SPIDR: variants seen among roughly 807,000 people sequenced by gnomAD.
The protein encoded by SPIDR is scaffold protein involved in DNA repair.
In SPIDR, 93 loss-of-function variants were observed where a neutral mutation model predicts 104.6. That is an observed-to-expected ratio of 0.89 (90% CI 0.75 to 1.06). SPIDR has a LOEUF of 1.06. Among genes scored for constraint, SPIDR ranks in the 50% least tolerant of loss-of-function variants. The pLI, the probability that SPIDR is intolerant of heterozygous loss-of-function variation, is 0.00. For missense variants in SPIDR, 1,154 were observed against 1,111.2 expected, an observed-to-expected ratio of 1.04 and a Z score of -0.55; for synonymous variants, 431 against 416.9, an observed-to-expected ratio of 1.03 and a Z score of -0.41.
At chr8:47,269,265 T>C (rs1280102358) in intron 1 of SPIDR, among the ~76,000 whole-genome samples, 1 of 151,260 alleles carries the variant, frequency 6.6e-6, no homozygotes, top group Non-Finnish European at 1.5e-5. Context: ...AGACCATCTT[T>C]TTTTCCCCCC....
chr8:47,284,392 TTTTGTTTGTTTG>T (rs782640221), intron 3 of SPIDR, among the ~76,000 whole-genome samples: 7 of 152,014 alleles, frequency 4.6e-5, no homozygotes, highest in African/African-American at 7.2e-5. Flanking sequence ...AGCTCCAGGG[TTTTGTTTGTTTG>T]TTTGTTTGTT....
intron 8 of SPIDR, among the ~76,000 whole-genome samples, chr8:47,593,831 G>T (rs1303443164): frequency 1.3e-5 from 2 of 152,148 alleles, no homozygotes; most frequent in African/African-American, 4.8e-5. Context: ...GGAGGGCCAG[G>T]GAAGCCTTGT....
chr8:47,606,019 T>A (rs1338795876), intron 10 of SPIDR, among the ~76,000 whole-genome samples: 2 of 152,138 alleles, frequency 1.3e-5, no homozygotes, highest in African/African-American at 4.8e-5. Context: ...AGCACTCCCA[T>A]CAACAAGGAG....
chr8:47,663,522 C>A (rs1337732238), intron 10 of SPIDR, among the ~76,000 whole-genome samples: 1 of 152,242 alleles, frequency 6.6e-6, no homozygotes, highest in South Asian at 2.1e-4. Flanking sequence ...AATGACAAAC[C>A]CCCAAGTGCT....
chr8:47,535,496 CATAA>C (rs1051669848), intron 8 of SPIDR, among the ~76,000 whole-genome samples: 10 of 152,076 alleles, frequency 6.6e-5, no homozygotes, highest in Non-Finnish European at 1.2e-4. Context: ...AATGTAGATA[CATAA>C]ATAGTTAACA....
chr8:47,694,768 G>C (rs1416405802), intron 11 of SPIDR, among the ~76,000 whole-genome samples: 1 of 151,928 alleles, frequency 6.6e-6, no homozygotes, highest in Non-Finnish European at 1.5e-5. Flanking sequence ...TATATATTTG[G>C]GGTGTGTGTA....
chr8:47,735,777 C>G lies in SPIDR; in HGVS notation c.*327C>G, dbSNP rs549945794. The G allele has an allele frequency of 1.4e-5, 7 of 507,388 alleles. No homozygotes were observed. The Admixed American group carries it at 2.3e-4, about 17-fold the overall frequency. 31.4% of individuals were successfully genotyped at this position (507,388 alleles called of 1,614,324 possible). ...TTTTTTTGTTCATTTGTAATTTTAACAAGTTGAACATTTTACCATGATTGA... is the reference window on the plus strand; with the variant it reads ...TTTTTTTGTTCATTTGTAATTTTAAGAAGTTGAACATTTTACCATGATTGA... On this transcript the variant is annotated 3_prime_UTR_variant, in exon 20 of 20. Coordinates refer to ENST00000297423, the MANE Select transcript of SPIDR (RefSeq NM_001080394.4).
intron 5 of SPIDR, among the ~76,000 whole-genome samples, chr8:47,387,778 A>G (rs1395094054): frequency 1.3e-5 from 2 of 152,202 alleles, no homozygotes; most frequent in Non-Finnish European, 2.9e-5. Context: ...CTTCAAATAC[A>G]TCCCATTTGC....
chr8:47,531,263 G>A (rs1313588603), intron 8 of SPIDR, among the ~76,000 whole-genome samples: 2 of 152,114 alleles, frequency 1.3e-5, no homozygotes, highest in African/African-American at 2.4e-5. Context: ...CCTACATGGG[G>A]TCAGGATCAT....
intron 5 of SPIDR, among the ~76,000 whole-genome samples, chr8:47,347,778 TTTTG>T (rs1415967345): frequency 2.6e-5 from 4 of 152,162 alleles, no homozygotes; most frequent in Non-Finnish European, 4.4e-5. Context: ...CCCTGCTTTT[TTTTG>T]TTTGTTTTCC....
intron 5 of SPIDR, among the ~76,000 whole-genome samples, chr8:47,376,106 C>T (rs187586149): frequency 4.5e-4 from 68 of 152,316 alleles, no homozygotes; most frequent in African/African-American, 1.6e-3. Context: ...TTTGAGGTCT[C>T]TGAGCAACAC....
intron 8 of SPIDR, among the ~76,000 whole-genome samples, chr8:47,484,321 C>T (rs1554729214): frequency 6.6e-6 from 1 of 152,240 alleles, no homozygotes; most frequent in Non-Finnish European, 1.5e-5. Context: ...CCTTTGAGAG[C>T]AGATCCCACT....
At chr8:47,348,493 C>T (rs2052677634) in intron 5 of SPIDR, among the ~76,000 whole-genome samples, 4 of 152,140 alleles carry the variant, frequency 2.6e-5, no homozygotes, top group Admixed American at 1.3e-4. Flanking sequence ...GAATGTTGAC[C>T]TGCCTTGCGA....
intron 8 of SPIDR, among the ~76,000 whole-genome samples, chr8:47,535,834 G>C (rs1245262675): frequency 6.6e-6 from 1 of 151,960 alleles, no homozygotes; most frequent in Non-Finnish European, 1.5e-5. Context: ...AGACAAGGAA[G>C]GATGCCCTTT....
chr8:47,610,762 C>G (rs1285212985), intron 10 of SPIDR, among the ~76,000 whole-genome samples: 2 of 152,190 alleles, frequency 1.3e-5, no homozygotes, highest in African/African-American at 4.8e-5. Context: ...GAACAGATGC[C>G]CTTGTTTCTT....
At position 47,396,583 on chromosome 8, in the gene SPIDR, T is replaced by A. The variant is rs782598746; in HGVS notation, c.733T>A (p.Phe245Ile). The change falls in exon 6 of 20, where the codon TTT (phenylalanine) becomes ATT (isoleucine). Residue 245 changes from phenylalanine (F) to isoleucine (I), a missense_variant. Physicochemically the swap from Phe to Ile is conservative, Grantham distance 21. Transcript: ENST00000297423. The part of the protein sequence containing the change: ...LHTPQKPTAK[F>I]PRTPENSAKK... ...TACACCTCAGAAACCCACAGCTAAG[T>A]TTCCCAGGACTCCAGAAAATTCAGC... 15 of 1,614,096 alleles carry A rather than the reference T, an allele frequency of 9.3e-6. No homozygotes were observed. The highest frequency in any genetic ancestry group is 1.3e-5 in the Non-Finnish European group (15 of 1,179,994).
rs192554061 is a variant in SPIDR at position 47,700,069 on chromosome 8, G to A, written c.1686-334G>A. Among the ~76,000 whole-genome samples the A allele has an allele frequency of 3.0e-3, 450 of 152,264 alleles. 2 individuals carry two copies. The highest frequency in any genetic ancestry group is 0.011 in the African/African-American group (441 of 41,536). On this transcript the variant is annotated intron_variant, in intron 11 of 19. Coordinates refer to ENST00000297423, the MANE Select transcript of SPIDR (RefSeq NM_001080394.4). ...ACACACACACAGAGAGTGAGAGAGA[G>A]TTAATTTGTTGCCTGCTTTTTTCTT...
chr8:47,444,812 C>T (rs1480656193), intron 8 of SPIDR, among the ~76,000 whole-genome samples: 1 of 152,152 alleles, frequency 6.6e-6, no homozygotes. Flanking sequence ...CCACACTCAA[C>T]ATTTTTTATG....
At chr8:47,689,993 A>C (rs950409171) in intron 11 of SPIDR, among the ~76,000 whole-genome samples, 2 of 152,246 alleles carry the variant, frequency 1.3e-5, no homozygotes, top group African/African-American at 4.8e-5. Flanking sequence ...CAAGATAATA[A>C]GATGAATTGT....
Sources: allele counts gnomAD v4.1 joint callset (sites outside exome capture counted in the v4.1 genomes callset), GRCh38; gene constraint gnomAD v4.1.1; transcripts MANE v1.5; gene names NCBI Gene and HGNC (gene_info 2026-07-23, HGNC 2026-07-21).